The following DACH1 variants were observed in gnomAD, a reference collection of about 807,000 sequenced individuals.
DACH1 encodes dachshund family transcription factor 1.
A neutral mutation model predicts 54.2 loss-of-function variants in DACH1; 12 were observed. The observed-to-expected ratio is 0.22, with a 90% CI of 0.14 to 0.36. The LOEUF (loss-of-function observed/expected upper bound fraction) is 0.36. Among genes scored for constraint, DACH1 ranks in the 10% least tolerant of loss-of-function variants. The pLI is 1.00. For synonymous variants in DACH1, 386 were observed against 366.2 expected (o/e 1.05, Z -0.62); for missense variants, 805 against 929.8 (o/e 0.87, Z 1.75).
rs71126514 is a variant in DACH1 at position 71,861,907 on chromosome 13, C to CAAA, written c.848+4012_848+4014dup. Among the ~76,000 whole-genome samples, 252 of 86,322 alleles carry CAAA rather than the reference C, an allele frequency of 2.9e-3. 1 individual carries two copies. The East Asian group carries it at 0.038, about 13-fold the overall frequency. 56.6% of individuals were successfully genotyped at this position (86,322 alleles called of 152,430 possible). Reference sequence around the variant, plus strand: ...TGCCATCTTTATTAAAACTCCTAACCAAAAAAAAAAAAAAAAAAAAATAGA... The same window carrying CAAA: ...TGCCATCTTTATTAAAACTCCTAACCAAAAAAAAAAAAAAAAAAAAAAAATAGA... On this transcript the variant is annotated intron_variant, in intron 1 of 10. Transcript: ENST00000613252.
chr13:71,446,859 T>C (rs1239919096), intron 10 of DACH1, among the ~76,000 whole-genome samples: 1 of 152,220 alleles, frequency 6.6e-6, no homozygotes, highest in East Asian at 1.9e-4. Flanking sequence ...AGAAAATACC[T>C]TCCTTTAACA....
At chr13:71,773,154 G>C (rs1333091821) in intron 1 of DACH1, among the ~76,000 whole-genome samples, 1 of 151,758 alleles carries the variant, frequency 6.6e-6, no homozygotes, top group Non-Finnish European at 1.5e-5. Flanking sequence ...AATAACAATA[G>C]TTACAACCAT....
intron 1 of DACH1, among the ~76,000 whole-genome samples, chr13:71,856,895 A>G (rs112594792): frequency 0.059 from 8,975 of 151,936 alleles, 305 homozygotes; most frequent in Non-Finnish European, 0.066. Flanking sequence ...CACTGACCTC[A>G]TTCCTAACTC....
At chr13:71,462,610 T>C (rs1405467088) in intron 10 of DACH1, among the ~76,000 whole-genome samples, 1 of 151,966 alleles carries the variant, frequency 6.6e-6, no homozygotes, top group Non-Finnish European at 1.5e-5. Context: ...ATTAAATTTG[T>C]GCATAATTGT....
chr13:71,700,391 A>G (rs1224525575), intron 1 of DACH1, among the ~76,000 whole-genome samples: 1 of 151,946 alleles, frequency 6.6e-6, no homozygotes. Context: ...CCCCGTCTCC[A>G]CTAAAAACAC....
At chr13:71,690,554 A>G (rs1881426894) in intron 1 of DACH1, among the ~76,000 whole-genome samples, 1 of 152,234 alleles carries the variant, frequency 6.6e-6, no homozygotes, top group South Asian at 2.1e-4. Context: ...AGTTTGGGAA[A>G]ACGTTAATAC....
chr13:71,782,993 G>T (rs900706229), intron 1 of DACH1, among the ~76,000 whole-genome samples: 3 of 152,082 alleles, frequency 2.0e-5, no homozygotes, highest in Non-Finnish European at 4.4e-5. Flanking sequence ...TAAGAGACTG[G>T]CATTGACAGT....
At chr13:71,767,465 T>A (rs1200404041) in intron 1 of DACH1, among the ~76,000 whole-genome samples, 1 of 152,118 alleles carries the variant, frequency 6.6e-6, no homozygotes, top group Non-Finnish European at 1.5e-5. Flanking sequence ...TTGACCCATA[T>A]TGAAGACTGA....
At chr13:71,687,182 C>A (rs1453518546) in intron 1 of DACH1, among the ~76,000 whole-genome samples, 1 of 152,074 alleles carries the variant, frequency 6.6e-6, no homozygotes, top group Admixed American at 6.6e-5. Context: ...ACTGCTCCTA[C>A]AAAACCAAGA....
intron 1 of DACH1, among the ~76,000 whole-genome samples, chr13:71,708,290 T>C (rs1403178926): frequency 6.6e-6 from 1 of 152,206 alleles, no homozygotes; most frequent in Non-Finnish European, 1.5e-5. Context: ...CTTGACTTGA[T>C]TGAATCAAAG....
chr13:71,843,367 C>A (rs186187590), intron 1 of DACH1, among the ~76,000 whole-genome samples: 4 of 152,152 alleles, frequency 2.6e-5, no homozygotes, highest in Non-Finnish European at 4.4e-5. Flanking sequence ...TGGGGTCAAC[C>A]AATCCTCTCC....
chr13:71,635,422 T>C (rs916763950), intron 2 of DACH1, among the ~76,000 whole-genome samples: 4 of 152,200 alleles, frequency 2.6e-5, no homozygotes, highest in African/African-American at 4.8e-5. Flanking sequence ...AAACATAGCT[T>C]ACAATCTATA....
intron 3 of DACH1, among the ~76,000 whole-genome samples, chr13:71,609,627 G>A (rs773197655): frequency 6.6e-6 from 1 of 151,958 alleles, no homozygotes; most frequent in Non-Finnish European, 1.5e-5. Flanking sequence ...CCAGGTTCAA[G>A]TGATTCTCCT....
At chr13:71,477,483 A>G (rs1446798998) in intron 8 of DACH1, among the ~76,000 whole-genome samples, 18 of 152,030 alleles carry the variant, frequency 1.2e-4, no homozygotes, top group Admixed American at 1.1e-3. Context: ...GCTGTATCAT[A>G]TATTTTTAAA....
chr13:71,726,930 T>C (rs1271026571), intron 1 of DACH1, among the ~76,000 whole-genome samples: 1 of 152,040 alleles, frequency 6.6e-6, no homozygotes, highest in Non-Finnish European at 1.5e-5. Context: ...TAGAGAAATG[T>C]TTAGAAAATA....
chr13:71,502,072 A>G (rs921508349), intron 6 of DACH1, among the ~76,000 whole-genome samples: 56 of 152,156 alleles, frequency 3.7e-4, no homozygotes, highest in Admixed American at 2.0e-3. Context: ...AAATACATTA[A>G]TATGTGCATT....
chr13:71,507,030 G>A (rs1880387696), intron 6 of DACH1, among the ~76,000 whole-genome samples: 1 of 151,006 alleles, frequency 6.6e-6, no homozygotes, highest in African/African-American at 2.4e-5. Flanking sequence ...CAAAAGCAAT[G>A]GCAACAAAAG....
At chr13:71,690,679 C>A (rs969117270) in intron 1 of DACH1, among the ~76,000 whole-genome samples, 1 of 152,182 alleles carries the variant, frequency 6.6e-6, no homozygotes, top group Admixed American at 6.5e-5. Flanking sequence ...CGCCTATAAT[C>A]TCAGCACTTT....
At chr13:71,865,831 C>G in intron 1 of DACH1, 91 bp downstream of exon 1, 1 of 1,336,872 alleles carries the variant, frequency 7.5e-7, no homozygotes, top group Non-Finnish European at 9.5e-7. Context: ...CGCGGGCGCG[C>G]AGAGCGAGCG....
Sources: allele counts gnomAD v4.1 joint callset (sites outside exome capture counted in the v4.1 genomes callset), GRCh38; gene constraint gnomAD v4.1.1; transcripts MANE v1.5; gene names NCBI Gene and HGNC (gene_info 2026-07-23, HGNC 2026-07-21).